Variants in KAZN observed in about 807,000 individuals in gnomAD.
KAZN encodes the protein kazrin.
Under a neutral mutation model 87.4 loss-of-function variants are expected in KAZN, and 40 were observed. The observed-to-expected ratio is 0.46, with a 90% CI of 0.36 to 0.60. The LOEUF is 0.60. Ranked by LOEUF, KAZN falls within the 20% of genes least tolerant of loss-of-function variation. The pLI is 0.00. For missense variants in KAZN, 898 were observed against 1,073.9 expected (o/e 0.84, Z 2.29); for synonymous variants, 466 against 458.3 (o/e 1.02, Z -0.22).
At chr1:14,499,901 A>G (rs1263912198) in intron 2 of KAZN, among the ~76,000 whole-genome samples, 1 of 152,154 alleles carries the variant, frequency 6.6e-6, no homozygotes, top group African/African-American at 2.4e-5. Flanking sequence ...GCATCTGGCT[A>G]ACTTCTCCAG....
chr1:13,975,854 G>C (rs957459128), intron 1 of KAZN, among the ~76,000 whole-genome samples: 11 of 152,146 alleles, frequency 7.2e-5, no homozygotes, highest in African/African-American at 2.7e-4. Flanking sequence ...ATGAGTACAC[G>C]CATAGTAAAC....
At chr1:14,545,582 C>T (rs1480410400) in intron 2 of KAZN, among the ~76,000 whole-genome samples, 1 of 152,126 alleles carries the variant, frequency 6.6e-6, no homozygotes, top group Non-Finnish European at 1.5e-5. Context: ...TATTACCTGG[C>T]CTCTGGTAAG....
chr1:14,246,773 C>T (rs1310611833), intron 2 of KAZN, among the ~76,000 whole-genome samples: 1 of 152,076 alleles, frequency 6.6e-6, no homozygotes, highest in African/African-American at 2.4e-5. Context: ...AAAATAAAAT[C>T]GCACTTTATG....
At chr1:14,197,514 C>A (rs1299926544) in intron 2 of KAZN, among the ~76,000 whole-genome samples, 1 of 151,700 alleles carries the variant, frequency 6.6e-6, no homozygotes, top group Non-Finnish European at 1.5e-5. Context: ...ATGGCAAAAC[C>A]CTGTCTCTAC....
At chr1:14,034,647 C>T (rs967535297) in intron 1 of KAZN, among the ~76,000 whole-genome samples, 8 of 152,240 alleles carry the variant, frequency 5.3e-5, no homozygotes, top group African/African-American at 1.4e-4. Context: ...ATGATCTCCC[C>T]CACTAGATTA....
At chr1:14,713,579 T>G (rs1396441805) in intron 1 of KAZN, among the ~76,000 whole-genome samples, 1 of 151,914 alleles carries the variant, frequency 6.6e-6, no homozygotes, top group African/African-American at 2.4e-5. Flanking sequence ...CCACGGTTGC[T>G]GCTAAACACT....
At chr1:14,270,105 A>C (rs1386079734) in intron 2 of KAZN, among the ~76,000 whole-genome samples, 1 of 152,090 alleles carries the variant, frequency 6.6e-6, no homozygotes, top group African/African-American at 2.4e-5. Context: ...ACACTACCAC[A>C]CTGGGGGTCA....
chr1:15,048,727 GTCATGGGTCGTCGA>G (rs1673919724), intron 4 of KAZN, among the ~76,000 whole-genome samples: 3 of 143,680 alleles, frequency 2.1e-5, no homozygotes, highest in African/African-American at 5.5e-5. Flanking sequence ...TGGGTCGTTG[GTCATGGGTCGTCGA>G]TCCTGGGTCG....
chr1:14,362,264 C>T (rs1659584147), intron 2 of KAZN, among the ~76,000 whole-genome samples: 1 of 152,160 alleles, frequency 6.6e-6, no homozygotes, highest in Non-Finnish European at 1.5e-5. Flanking sequence ...CATTCAGTTT[C>T]TTGCATGTTC....
chr1:14,417,187 A>T (rs894622603), intron 2 of KAZN, among the ~76,000 whole-genome samples: 9 of 152,026 alleles, frequency 5.9e-5, no homozygotes, highest in African/African-American at 2.2e-4. Flanking sequence ...CAAAATAAAA[A>T]AAAAAAAAGG....
chr1:14,428,666 A>G (rs1271500098), intron 2 of KAZN, among the ~76,000 whole-genome samples: 1 of 152,200 alleles, frequency 6.6e-6, no homozygotes, highest in Non-Finnish European at 1.5e-5. Flanking sequence ...ATTTACAATC[A>G]TGGTGGAAGG....
intron 4 of KAZN, among the ~76,000 whole-genome samples, chr1:15,054,251 G>A (rs1197308961): frequency 6.6e-6 from 1 of 152,092 alleles, no homozygotes; most frequent in African/African-American, 2.4e-5. Context: ...CAGTGGCCCT[G>A]CCATCTGTAG....
intron 2 of KAZN, among the ~76,000 whole-genome samples, chr1:14,425,460 G>A (rs2101344373): frequency 6.6e-6 from 1 of 152,312 alleles, no homozygotes; most frequent in Middle Eastern, 3.4e-3. Flanking sequence ...CCACTGCCAT[G>A]CCCTCACATG....
At chr1:14,092,559 A>G (rs1644025051) in intron 1 of KAZN, among the ~76,000 whole-genome samples, 1 of 128,772 alleles carries the variant, frequency 7.8e-6, no homozygotes, top group Non-Finnish European at 1.8e-5. Flanking sequence ...GTACATATAC[A>G]CACATATATA....
At chr1:14,195,335 ACCT>A (rs1305764232) in intron 2 of KAZN, among the ~76,000 whole-genome samples, 1 of 151,704 alleles carries the variant, frequency 6.6e-6, no homozygotes, top group East Asian at 1.9e-4. Context: ...GACCTCCGAT[ACCT>A]CCTCTTCATT....
At chr1:15,000,930 C>T (rs535539578) in intron 2 of KAZN, among the ~76,000 whole-genome samples, 1 of 151,770 alleles carries the variant, frequency 6.6e-6, no homozygotes, top group African/African-American at 2.4e-5. Context: ...ATAGCAAGAC[C>T]CTATCTCTAA....
At chr1:14,460,787 G>A (rs1465153729) in intron 2 of KAZN, among the ~76,000 whole-genome samples, 4 of 152,126 alleles carry the variant, frequency 2.6e-5, no homozygotes, top group Non-Finnish European at 4.4e-5. Flanking sequence ...ACTTTCCCAC[G>A]GCATTTTACA....
At chr1:15,064,103 G>C (rs757383382) in intron 7 of KAZN, among the ~76,000 whole-genome samples, 15 of 152,222 alleles carry the variant, frequency 9.9e-5, no homozygotes, top group Middle Eastern at 3.2e-3. Context: ...CCCAGGCAGT[G>C]GGTTTTTTGT....
chr1:13,895,866 G>A (rs900136544), intron 1 of KAZN, among the ~76,000 whole-genome samples: 11 of 152,120 alleles, frequency 7.2e-5, no homozygotes, highest in African/African-American at 1.7e-4. Context: ...TGTTGGTCTC[G>A]CTGGTGTAAA....
Sources: allele counts gnomAD v4.1 joint callset (sites outside exome capture counted in the v4.1 genomes callset), GRCh38; gene constraint gnomAD v4.1.1; transcripts MANE v1.5; gene names NCBI Gene and HGNC (gene_info 2026-07-23, HGNC 2026-07-21).